The following GREB1L variants were observed in gnomAD, a reference collection of about 807,000 sequenced individuals.
GREB1L encodes GREB1-like protein.
In GREB1L, 17 loss-of-function variants were observed where a neutral mutation model predicts 200.8. The ratio of observed to expected loss-of-function variants is 0.08; its 90% CI spans 0.06 to 0.13. The LOEUF is 0.13. Among genes scored for constraint, GREB1L ranks in the 10% least tolerant of loss-of-function variants. The pLI is 1.00. For missense variants in GREB1L, 1,657 were observed against 2,367.7 expected, an observed-to-expected ratio of 0.70 and a Z score of 6.23; for synonymous variants, 789 against 893.0, an observed-to-expected ratio of 0.88 and a Z score of 2.08.
chr18:21,497,952 G>A (rs1371899847), intron 21 of GREB1L, among the ~76,000 whole-genome samples: 1 of 151,064 alleles, frequency 6.6e-6, no homozygotes, highest in East Asian at 2.0e-4. Flanking sequence ...CTCCTGAGTA[G>A]CTGGGATTAC....
At chr18:21,446,961 T>C (rs895296495) in intron 11 of GREB1L, among the ~76,000 whole-genome samples, 3 of 152,244 alleles carry the variant, frequency 2.0e-5, no homozygotes, top group Non-Finnish European at 4.4e-5. Flanking sequence ...GCTCTGAGTC[T>C]ATTTAAACCT....
rs58385493 is a variant in GREB1L, at chr18:21,507,625, T to C, written c.4369-493T>C. The stretch of plus-strand genomic sequence containing the variant: ...TCTGAAACCAGAGTTCTGGGCTAAA[T>C]GATTGAACCTCTTCAGCATCCACTG... On this transcript the variant is annotated intron_variant, in intron 25 of 32. Transcript: ENST00000424526. Among the ~76,000 whole-genome samples the C allele has an allele frequency of 8.0e-3, 1,217 of 152,296 alleles. 19 individuals carry two copies. Among genetic ancestry groups the C allele is most frequent in the African/African-American group, 0.028 (1,172 of 41,562 alleles).
chr18:21,355,569 A>C (rs1324401489), intron 1 of GREB1L, among the ~76,000 whole-genome samples: 3 of 152,206 alleles, frequency 2.0e-5, no homozygotes, highest in African/African-American at 7.2e-5. Flanking sequence ...TCCACCTTGG[A>C]AGATAGCTAC....
intron 27 of GREB1L, among the ~76,000 whole-genome samples, chr18:21,512,213 C>A (rs9962286): frequency 6.6e-6 from 1 of 152,180 alleles, no homozygotes; most frequent in African/African-American, 2.4e-5. Flanking sequence ...ATAGATTTTT[C>A]TATTTCTGCA....
chr18:21,446,049 G>A (rs1209163530), intron 11 of GREB1L, among the ~76,000 whole-genome samples: 2 of 152,122 alleles, frequency 1.3e-5, no homozygotes, highest in East Asian at 1.9e-4. Flanking sequence ...TTTTGAGACC[G>A]AGTCTCACTC....
intron 17 of GREB1L, among the ~76,000 whole-genome samples, chr18:21,477,621 C>T (rs1389245171): frequency 3.3e-5 from 5 of 151,926 alleles, no homozygotes; most frequent in Non-Finnish European, 1.5e-5. Context: ...CCCGTCTCTA[C>T]TAAAAATACA....
intron 7 of GREB1L, among the ~76,000 whole-genome samples, chr18:21,427,172 G>A (rs1264535193): frequency 2.6e-5 from 4 of 151,962 alleles, no homozygotes; most frequent in Admixed American, 2.0e-4. Context: ...GAAGATGGGC[G>A]TCTTTACATT....
chr18:21,434,622 AC>A (rs2033422384), intron 7 of GREB1L, among the ~76,000 whole-genome samples: 1 of 150,912 alleles, frequency 6.6e-6, no homozygotes, highest in African/African-American at 2.4e-5. Context: ...GACCACCTCC[AC>A]AGTTAACTTT....
intron 1 of GREB1L, among the ~76,000 whole-genome samples, chr18:21,315,941 G>C (rs367995008): frequency 1.3e-5 from 2 of 152,088 alleles, no homozygotes; most frequent in Non-Finnish European, 2.9e-5. Context: ...TCTGTGACCC[G>C]ACCCTCCCCC....
At chr18:21,494,580 C>G (rs1051897313) in intron 19 of GREB1L, among the ~76,000 whole-genome samples, 1 of 151,618 alleles carries the variant, frequency 6.6e-6, no homozygotes, top group African/African-American at 2.4e-5. Context: ...CACCTGTCCA[C>G]GGCACTCCAG....
chr18:21,504,792 G>A (rs2036944932), intron 23 of GREB1L, among the ~76,000 whole-genome samples: 1 of 152,128 alleles, frequency 6.6e-6, no homozygotes, highest in Non-Finnish European at 1.5e-5. Context: ...TATAATCTGG[G>A]GACTCAGGGT....
chr18:21,461,495 C>T (rs545049432), intron 15 of GREB1L, among the ~76,000 whole-genome samples: 1 of 152,288 alleles, frequency 6.6e-6, no homozygotes, highest in East Asian at 1.9e-4. Flanking sequence ...AACTGGCTCC[C>T]ACCCTCACAG....
intron 6 of GREB1L, 65 bp downstream of exon 6, chr18:21,401,391 T>C: frequency 7.5e-7 from 1 of 1,334,168 alleles, no homozygotes; most frequent in South Asian, 1.3e-5. Context: ...AAGTGACCCA[T>C]ACAAGATTCA....
chr18:21,342,172 C>T (rs897845001), intron 1 of GREB1L, among the ~76,000 whole-genome samples: 1 of 152,062 alleles, frequency 6.6e-6, no homozygotes, highest in Non-Finnish European at 1.5e-5. Context: ...AATTGATGTT[C>T]AGTCCATCAT....
chr18:21,484,259 T>C (rs1394042970), intron 17 of GREB1L, among the ~76,000 whole-genome samples: 1 of 150,490 alleles, frequency 6.6e-6, no homozygotes, highest in Non-Finnish European at 1.5e-5. Flanking sequence ...CACTGCAACC[T>C]CCACCTCCGG....
At chr18:21,474,922 C>G (rs1417139626) in intron 16 of GREB1L, among the ~76,000 whole-genome samples, 1 of 152,236 alleles carries the variant, frequency 6.6e-6, no homozygotes, top group Non-Finnish European at 1.5e-5. Flanking sequence ...ATCACAAGAC[C>G]AGCATGGGAA....
chr18:21,512,202 G>C (rs2037265808), intron 27 of GREB1L, among the ~76,000 whole-genome samples: 1 of 152,166 alleles, frequency 6.6e-6, no homozygotes, highest in Non-Finnish European at 1.5e-5. Context: ...TGAATCGCAG[G>C]ATAGATTTTT....
At chr18:21,459,858 G>A (rs1254018288) in intron 15 of GREB1L, among the ~76,000 whole-genome samples, 1 of 152,132 alleles carries the variant, frequency 6.6e-6, no homozygotes, top group Non-Finnish European at 1.5e-5. Context: ...AGATTGCTTT[G>A]TGCAAGCATA....
rs1241160333 is a variant in GREB1L at position 21,524,554 on chromosome 18, T to TA, written c.*1735dup. ...TTGTTCCTGTTTTGTTGAAAGGGCC[T>TA]AATGCAAATAATACCAAGAAACCCA... is the stretch of plus-strand genomic sequence containing the variant. On this transcript the variant is annotated 3_prime_UTR_variant, in exon 33 of 33. Transcript: ENST00000424526. 1 of 152,192 alleles carries TA rather than the reference T, an allele frequency of 6.6e-6. No homozygotes were observed. The highest frequency in any genetic ancestry group is 1.5e-5 in the Non-Finnish European group (1 of 68,026). The allele number at this position is 152,192 out of a possible 1,614,324, so 9.4% of individuals were successfully genotyped here. A position where few individuals can be genotyped will look rare whatever the true frequency, so the allele number is the denominator to read the frequency against.
Sources: allele counts gnomAD v4.1 joint callset (sites outside exome capture counted in the v4.1 genomes callset), GRCh38; gene constraint gnomAD v4.1.1; transcripts MANE v1.5; gene names NCBI Gene and HGNC (gene_info 2026-07-23, HGNC 2026-07-21).